Variants in SCHIP1 observed in about 807,000 individuals in gnomAD.
SCHIP1 encodes the protein schwannomin-interacting protein 1.
Under a neutral mutation model 29.7 loss-of-function variants are expected in SCHIP1, and 8 were observed. The ratio of observed to expected loss-of-function variants is 0.27; its 90% confidence interval spans 0.16 to 0.49. SCHIP1 has a LOEUF of 0.49. SCHIP1 is among the 20% of genes least tolerant of loss of function. SCHIP1 has a pLI of 0.99. For synonymous variants in SCHIP1, 76 were observed against 94.9 expected (o/e 0.80, Z 1.16); for missense variants, 193 against 294.6 (o/e 0.66, Z 2.52).
the SCHIP1 span, among the ~76,000 whole-genome samples, chr3:159,321,616 C>T: frequency 4.2e-3 from 640 of 152,014 alleles, 10 homozygotes; most frequent in African/African-American, 0.014. Context: ...GCACAATGTG[C>T]AGGTTAGTTA....
the SCHIP1 span, among the ~76,000 whole-genome samples, chr3:159,327,212 A>G: frequency 6.6e-6 from 1 of 152,214 alleles, no homozygotes; most frequent in African/African-American, 2.4e-5. Flanking sequence ...CTGGGCAACC[A>G]GGATTGCATT....
At chr3:159,567,608 T>C in the SCHIP1 span, among the ~76,000 whole-genome samples, 4 of 152,196 alleles carry the variant, frequency 2.6e-5, no homozygotes, top group African/African-American at 9.6e-5. Flanking sequence ...CCTGGATTCT[T>C]TAACCTCTCT....
the SCHIP1 span, among the ~76,000 whole-genome samples, chr3:159,343,935 TA>T: frequency 1.3e-5 from 2 of 152,170 alleles, no homozygotes; most frequent in Non-Finnish European, 2.9e-5. Context: ...ATTTTTAAAT[TA>T]AAAAATGGGT....
At chr3:159,551,411 A>G in the SCHIP1 span, among the ~76,000 whole-genome samples, 6 of 152,202 alleles carry the variant, frequency 3.9e-5, no homozygotes, top group Non-Finnish European at 8.8e-5. Context: ...GCAGTTTTCT[A>G]TAAACTTGGG....
At chr3:159,626,125 G>T in the SCHIP1 span, among the ~76,000 whole-genome samples, 2,338 of 114,542 alleles carry the variant, frequency 0.02, 234 homozygotes, top group African/African-American at 0.12. Context: ...TAGATAGATA[G>T]ATAGATAGAT....
the SCHIP1 span, among the ~76,000 whole-genome samples, chr3:159,812,022 A>C: frequency 6.8e-6 from 1 of 147,814 alleles, no homozygotes; most frequent in African/African-American, 2.5e-5. Context: ...CCCAGGCTGA[A>C]GTGCAGTGGT....
the SCHIP1 span, among the ~76,000 whole-genome samples, chr3:159,616,456 C>T: frequency 1.3e-5 from 2 of 152,136 alleles, no homozygotes. Context: ...GAGGAGAGGA[C>T]CTATTCCTCT....
At chr3:159,694,592 GAAAGAAAGAA>G in the SCHIP1 span, among the ~76,000 whole-genome samples, 1 of 136,092 alleles carries the variant, frequency 7.3e-6, no homozygotes, top group African/African-American at 2.7e-5. Flanking sequence ...AAGAAAGAAA[GAAAGAAAGAA>G]AGAAAGGAAT....
At chr3:159,525,759 C>G in the SCHIP1 span, among the ~76,000 whole-genome samples, 1 of 152,214 alleles carries the variant, frequency 6.6e-6, no homozygotes, top group African/African-American at 2.4e-5. Flanking sequence ...TCATTAAAGT[C>G]AGTCCAGATT....
At chr3:159,370,906 C>A in the SCHIP1 span, among the ~76,000 whole-genome samples, 1 of 152,058 alleles carries the variant, frequency 6.6e-6, no homozygotes, top group Non-Finnish European at 1.5e-5. Context: ...ATTACACAAC[C>A]AGTTTTCTTA....
At chr3:159,424,052 C>CCGTCTGTACATCACCAT in the SCHIP1 span, among the ~76,000 whole-genome samples, 8 of 101,360 alleles carry the variant, frequency 7.9e-5, no homozygotes, top group South Asian at 2.4e-3. Flanking sequence ...CACCAAAAAC[C>CCGTCTGTACATCACCAT]CATCAAAAAC....
At chr3:159,358,126 G>A in the SCHIP1 span, among the ~76,000 whole-genome samples, 3 of 152,228 alleles carry the variant, frequency 2.0e-5, no homozygotes, top group African/African-American at 4.8e-5. Context: ...CCAGGAGCCA[G>A]CAATGGCTGT....
At chr3:159,879,884 A>G (rs560118328) in intron 2 of SCHIP1, among the ~76,000 whole-genome samples, 3 of 152,300 alleles carry the variant, frequency 2.0e-5, no homozygotes, top group Admixed American at 2.0e-4. Flanking sequence ...TCCCTTTTCT[A>G]TTAGTTGCCT....
the SCHIP1 span, among the ~76,000 whole-genome samples, chr3:159,453,224 C>T: frequency 2.6e-4 from 39 of 152,126 alleles, no homozygotes; most frequent in Non-Finnish European, 1.6e-4. Context: ...GGAGTGTAGG[C>T]GTTGCTTTTT....
chr3:159,640,538 C>T, the SCHIP1 span, among the ~76,000 whole-genome samples: 7 of 152,102 alleles, frequency 4.6e-5, no homozygotes, highest in Non-Finnish European at 8.8e-5. Flanking sequence ...AGTGTGTATA[C>T]GTGTACACAC....
intron 2 of SCHIP1, among the ~76,000 whole-genome samples, chr3:159,885,757 G>C (rs942345158): frequency 1.3e-5 from 2 of 152,220 alleles, no homozygotes; most frequent in African/African-American, 4.8e-5. Flanking sequence ...GGGAGAAAAG[G>C]AGTCTTTCTT....
chr3:159,338,621 G>A, the SCHIP1 span, among the ~76,000 whole-genome samples: 1 of 152,086 alleles, frequency 6.6e-6, no homozygotes, highest in African/African-American at 2.4e-5. Context: ...TTGGGGCCAA[G>A]GGTAGATTCA....
At chr3:159,859,510 G>C (rs1483837078) in intron 1 of SCHIP1, among the ~76,000 whole-genome samples, 1 of 152,224 alleles carries the variant, frequency 6.6e-6, no homozygotes, top group Middle Eastern at 3.2e-3. Flanking sequence ...TTTCCACAGA[G>C]AGCTTCAGAA....
the SCHIP1 span, among the ~76,000 whole-genome samples, chr3:159,307,658 A>C: frequency 6.6e-6 from 1 of 152,140 alleles, no homozygotes; most frequent in Non-Finnish European, 1.5e-5. Context: ...CAGTGTTAAG[A>C]AGAGTACTTC....
Sources: allele counts gnomAD v4.1 joint callset (sites outside exome capture counted in the v4.1 genomes callset), GRCh38; gene constraint gnomAD v4.1.1; transcripts MANE v1.5; gene names NCBI Gene and HGNC (gene_info 2026-07-23, HGNC 2026-07-21).